ME1: variants seen among roughly 807,000 people sequenced by gnomAD.
ME1 encodes malic enzyme 1.
ME1 carries 74 observed loss-of-function variants against 66.4 expected under a neutral mutation model. That is an observed-to-expected ratio of 1.11 (90% CI 0.92 to 1.35). ME1 has a LOEUF of 1.35. Ranked by LOEUF, ME1 falls within the 40% of genes most tolerant of loss-of-function variation. The pLI is 0.00. For synonymous variants in ME1, 251 were observed against 235.6 expected (o/e 1.07, Z -0.60); for missense variants, 750 against 694.1 (o/e 1.08, Z -0.90).
intron 5 of ME1, among the ~76,000 whole-genome samples, chr6:83,344,612 G>A (rs988640408): frequency 1.4e-4 from 22 of 152,160 alleles, no homozygotes; most frequent in Middle Eastern, 3.4e-3. Context: ...GGCCGGGTAC[G>A]GTGGCTCACG....
intron 1 of ME1, among the ~76,000 whole-genome samples, chr6:83,411,909 T>G (rs949440025): frequency 6.6e-6 from 1 of 152,212 alleles, no homozygotes; most frequent in African/African-American, 2.4e-5. Flanking sequence ...GACAGCAGAA[T>G]GGTACGTTGT....
chr6:83,319,313 A>T (rs899819700), intron 5 of ME1, among the ~76,000 whole-genome samples: 1 of 150,870 alleles, frequency 6.6e-6, no homozygotes, highest in African/African-American at 2.4e-5. Flanking sequence ...TAATAAAAAA[A>T]ATAAAATAAA....
chr6:83,275,225 A>G (rs946725304), intron 6 of ME1, among the ~76,000 whole-genome samples: 2 of 151,478 alleles, frequency 1.3e-5, no homozygotes, highest in African/African-American at 4.8e-5. Flanking sequence ...TCCCAGCTAC[A>G]TGGGAGGCTG....
chr6:83,301,119 A>G (rs1767707627), intron 6 of ME1, among the ~76,000 whole-genome samples: 1 of 152,110 alleles, frequency 6.6e-6, no homozygotes, highest in Non-Finnish European at 1.5e-5. Context: ...TGGGTGCAGC[A>G]CACCAACATG....
intron 10 of ME1, 36 bp downstream of exon 10, chr6:83,228,790 A>T: frequency 7.4e-7 from 1 of 1,351,244 alleles, no homozygotes; most frequent in Non-Finnish European, 1.0e-6. Context: ...GGTCAAAATA[A>T]GGGGTAGGGG....
chr6:83,407,619 TA>T, intron 2 of ME1, 148 bp downstream of exon 2: 1 of 792,878 alleles, frequency 1.3e-6, no homozygotes, highest in Non-Finnish European at 1.9e-6. Flanking sequence ...GTAAATTTTT[TA>T]AAAACATCAT....
rs367779536 is a variant in ME1, at chr6:83,366,307, A to C, written c.363-14168T>G. ...GTTCAAGTGTTAGCTCCTCTTGGAA[A>C]TATTTCCTGACCCACATTCTCAATC... On this transcript the variant is annotated intron_variant, in intron 3 of 13. Transcript: ENST00000369705. Among the ~76,000 whole-genome samples, 4 of 152,322 alleles carry C rather than the reference A, an allele frequency of 2.6e-5. No homozygotes were observed. The East Asian group carries it at 5.8e-4, about 22-fold the overall frequency.
At chr6:83,277,805 G>C (rs1193171275) in intron 6 of ME1, among the ~76,000 whole-genome samples, 2 of 151,950 alleles carry the variant, frequency 1.3e-5, no homozygotes, top group African/African-American at 4.8e-5. Flanking sequence ...GGGAGGCTGA[G>C]GCAGGAGAAT....
intron 3 of ME1, among the ~76,000 whole-genome samples, chr6:83,385,641 G>T (rs578065566): frequency 6.6e-6 from 1 of 151,892 alleles, no homozygotes; most frequent in East Asian, 1.9e-4. Context: ...ACAACCCTTA[G>T]ATCTTGATGT....
chr6:83,415,623 A>T (rs1770144674), intron 1 of ME1, among the ~76,000 whole-genome samples: 1 of 152,214 alleles, frequency 6.6e-6, no homozygotes, highest in Non-Finnish European at 1.5e-5. Flanking sequence ...TCAAACAAAG[A>T]TTTATTTATG....
intron 1 of ME1, among the ~76,000 whole-genome samples, chr6:83,410,428 T>C (rs1367612486): frequency 6.6e-6 from 1 of 152,108 alleles, no homozygotes; most frequent in African/African-American, 2.4e-5. Context: ...GAAAAAGTAA[T>C]TTATAAAATG....
At chr6:83,354,439 G>T (rs1319738323) in intron 3 of ME1, among the ~76,000 whole-genome samples, 1 of 152,126 alleles carries the variant, frequency 6.6e-6, no homozygotes, top group East Asian at 1.9e-4. Context: ...GCCTCTCGTG[G>T]TTTTAAATAT....
intron 6 of ME1, among the ~76,000 whole-genome samples, chr6:83,279,296 G>C (rs1767246442): frequency 1.3e-5 from 2 of 152,092 alleles, no homozygotes; most frequent in African/African-American, 4.8e-5. Flanking sequence ...AAATTACAAG[G>C]CATCCTAAAA....
chr6:83,409,414 G>T (rs1049027513), intron 1 of ME1, among the ~76,000 whole-genome samples: 5 of 152,186 alleles, frequency 3.3e-5, no homozygotes, highest in African/African-American at 1.2e-4. Context: ...CTTATAAAGT[G>T]TATTACTAGA....
intron 6 of ME1, among the ~76,000 whole-genome samples, chr6:83,301,766 A>T (rs1036474809): frequency 6.6e-6 from 1 of 152,244 alleles, no homozygotes; most frequent in African/African-American, 2.4e-5. Flanking sequence ...CACACCAGTC[A>T]GAATGGCTAT....
At chr6:83,330,085 G>A (rs1042299219) in intron 5 of ME1, among the ~76,000 whole-genome samples, 3 of 152,118 alleles carry the variant, frequency 2.0e-5, no homozygotes, top group Admixed American at 2.0e-4. Context: ...CTCCTAAAGT[G>A]TTGGGATTAC....
chr6:83,425,402 T>C (rs772691536), intron 1 of ME1, among the ~76,000 whole-genome samples: 2 of 152,146 alleles, frequency 1.3e-5, no homozygotes, highest in East Asian at 1.9e-4. Flanking sequence ...TAAAGAAAGA[T>C]GCTTAATTGA....
intron 6 of ME1, among the ~76,000 whole-genome samples, chr6:83,264,833 C>A (rs1247135338): frequency 6.6e-6 from 1 of 152,090 alleles, no homozygotes; most frequent in East Asian, 1.9e-4. Flanking sequence ...GGTGGAGATG[C>A]TATGAATACT....
At chr6:83,370,777 T>G (rs899122655) in intron 3 of ME1, among the ~76,000 whole-genome samples, 2 of 152,138 alleles carry the variant, frequency 1.3e-5, no homozygotes, top group African/African-American at 4.8e-5. Context: ...TTTCCATTAC[T>G]TAATGTCTAG....
Sources: allele counts gnomAD v4.1 joint callset (sites outside exome capture counted in the v4.1 genomes callset), GRCh38; gene constraint gnomAD v4.1.1; transcripts MANE v1.5; gene names NCBI Gene and HGNC (gene_info 2026-07-23, HGNC 2026-07-21).